AADAT: variants seen among roughly 807,000 people sequenced by gnomAD.
AADAT encodes kynurenine/alpha-aminoadipate aminotransferase, mitochondrial.
A neutral mutation model predicts 56.2 loss-of-function variants in AADAT; 25 were observed. That is an observed-to-expected ratio of 0.44 (90% confidence interval 0.32 to 0.62). The LOEUF is 0.62. Among genes scored for constraint, AADAT ranks in the 20% least tolerant of loss-of-function variants. The probability of loss-of-function intolerance (pLI) is 0.04; values close to 1 mark genes in which losing one functional copy is unlikely to be tolerated. For missense variants in AADAT, 387 were observed against 510.5 expected (o/e 0.76, Z 2.33); for synonymous variants, 173 against 164.7 (o/e 1.05, Z -0.39).
chr4:170,087,984 A>T (rs745864521), intron 2 of AADAT, among the ~76,000 whole-genome samples: 2 of 150,376 alleles, frequency 1.3e-5, no homozygotes, highest in Admixed American at 6.6e-5. Flanking sequence ...CTTAAACTTT[A>T]AAAAGTTGAA....
At chr4:170,061,488 A>G (rs1260932688) in intron 12 of AADAT, among the ~76,000 whole-genome samples, 4 of 152,218 alleles carry the variant, frequency 2.6e-5, no homozygotes, top group African/African-American at 9.6e-5. Context: ...TTTTGGTTAA[A>G]GCTAGATTGT....
intron 7 of AADAT, 148 bp downstream of exon 7, chr4:170,069,000 T>C (rs1435201982): frequency 3.1e-6 from 2 of 636,352 alleles, no homozygotes; most frequent in Non-Finnish European, 5.2e-6. Context: ...AAAAAAGGCC[T>C]GTGTTAATAT....
Position 170,066,421 on chromosome 4 carries a change from C to T in AADAT, c.1020G>A (p.Trp340Ter). Residue 340 changes from tryptophan (W) to a stop codon, truncating the protein, a stop_gained, in exon 10 of 13, where the codon TGG becomes TGA. Transcript: ENST00000337664. LOFTEE classifies it high-confidence loss of function. ...KDAILAAADK[W>*]LTGLAEWHVP... ...AATATACGTTCCACTCACCAGTTAA[C>T]CACTTGTCTGCAGCTGCCAGTATTG... The T allele has an allele frequency of 6.2e-7, 1 of 1,613,722 alleles. No homozygotes were observed. The highest frequency in any genetic ancestry group is 1.3e-5 in the African/African-American group (1 of 75,014).
At chr4:170,079,009 A>G (rs949987580) in intron 3 of AADAT, among the ~76,000 whole-genome samples, 6 of 152,192 alleles carry the variant, frequency 3.9e-5, no homozygotes, top group African/African-American at 1.4e-4. Flanking sequence ...AGGCCTGTGT[A>G]AAGTGTCAGA....
At chr4:170,085,110 GTTTAC>G (rs1353000542) in intron 3 of AADAT, among the ~76,000 whole-genome samples, 7 of 151,834 alleles carry the variant, frequency 4.6e-5, no homozygotes, top group South Asian at 2.1e-4. Flanking sequence ...ATTTTCTCTA[GTTTAC>G]TTTATTGTAA....
intron 3 of AADAT, among the ~76,000 whole-genome samples, chr4:170,086,001 A>G (rs1454145515): frequency 6.6e-6 from 1 of 152,156 alleles, no homozygotes; most frequent in African/African-American, 2.4e-5. Flanking sequence ...ACAAAGGAGA[A>G]AATATACCAG....
rs1011888115 is a variant in AADAT, at chr4:170,078,435, T to C, written c.444+74A>G. ...TATTAACTTTATTATAATAAAGTTA[T>C]TATAAAACCTTTATTATAAGTTTTC... On this transcript the variant is annotated intron_variant, in intron 4 of 12. Coordinates refer to ENST00000337664, the MANE Select transcript of AADAT (RefSeq NM_016228.4). 6 of 816,454 alleles carry C rather than the reference T, an allele frequency of 7.3e-6. No homozygotes were observed. In the African/African-American group the frequency reaches 1.1e-4, roughly 14 times the overall value. The allele number at this position is 816,454 out of a possible 1,614,324, so 50.6% of individuals were successfully genotyped here.
At chr4:170,080,836 T>A (rs906286469) in intron 3 of AADAT, among the ~76,000 whole-genome samples, 3 of 151,794 alleles carry the variant, frequency 2.0e-5, no homozygotes, top group African/African-American at 4.8e-5. Context: ...GCCAGACAAA[T>A]CAAACAAACA....
upstream of AADAT, among the ~76,000 whole-genome samples, chr4:170,092,393 G>A (rs1425835313): frequency 6.6e-6 from 1 of 152,222 alleles, no homozygotes; most frequent in Non-Finnish European, 1.5e-5. Flanking sequence ...CACCGCCAAA[G>A]TCTGCAGCTT....
At chr4:170,067,920 C>T (rs569597382) in intron 8 of AADAT, among the ~76,000 whole-genome samples, 1 of 152,228 alleles carries the variant, frequency 6.6e-6, no homozygotes, top group Admixed American at 6.5e-5. Context: ...GGGTGGATCA[C>T]CAGAGGCCAG....
intron 3 of AADAT, among the ~76,000 whole-genome samples, chr4:170,080,986 T>C (rs896805791): frequency 1.3e-5 from 2 of 152,166 alleles, no homozygotes; most frequent in African/African-American, 4.8e-5. Flanking sequence ...AAGATGGCAA[T>C]TTGTCAGCTT....
chr4:170,064,183 A>C (rs1194553432), intron 11 of AADAT, among the ~76,000 whole-genome samples: 1 of 152,194 alleles, frequency 6.6e-6, no homozygotes, highest in Admixed American at 6.5e-5. Flanking sequence ...TACATTTTCC[A>C]AATATCCTAC....
chr4:170,070,709 T>C (rs1731716710), intron 5 of AADAT, 57 bp from the exon 6 acceptor site: 1 of 1,207,084 alleles, frequency 8.3e-7, no homozygotes, highest in Non-Finnish European at 1.2e-6. Flanking sequence ...TTAAAAGTTA[T>C]CTAAAATTAA....
intron 4 of AADAT, among the ~76,000 whole-genome samples, chr4:170,076,721 T>G (rs535223797): frequency 6.6e-6 from 1 of 152,332 alleles, no homozygotes; most frequent in East Asian, 1.9e-4. Context: ...TTTTAAATCT[T>G]CAAGTTCAAT....
chr4:170,090,395 C>G (rs1423785616), upstream of AADAT: 1 of 152,252 alleles, frequency 6.6e-6, no homozygotes, highest in African/African-American at 2.4e-5. Context: ...TTTGCCCGCT[C>G]AGACCATGGC....
At chr4:170,071,656 C>T (rs1056894865) in intron 5 of AADAT, among the ~76,000 whole-genome samples, 4 of 152,118 alleles carry the variant, frequency 2.6e-5, no homozygotes, top group Admixed American at 2.0e-4. Context: ...ATGTGGCTGG[C>T]TGCTGTGTGA....
chr4:170,079,243 G>A (rs571192870), intron 3 of AADAT, among the ~76,000 whole-genome samples: 4 of 152,296 alleles, frequency 2.6e-5, no homozygotes, highest in African/African-American at 7.2e-5. Context: ...GTTGGTGTAC[G>A]GGGTAACAAC....
chr4:170,061,022 A>G (rs969928231), intron 12 of AADAT, 53 bp from the exon 13 acceptor site: 8 of 1,258,600 alleles, frequency 6.4e-6, no homozygotes, highest in Non-Finnish European at 8.7e-6. Context: ...CTATATTGGA[A>G]AACTCTGTAA....
chr4:170,068,157 A>T (rs1434127656), intron 8 of AADAT, among the ~76,000 whole-genome samples: 1 of 151,752 alleles, frequency 6.6e-6, no homozygotes, highest in Non-Finnish European at 1.5e-5. Flanking sequence ...AAAAAAAAAA[A>T]AATTAAAATG....
Sources: gnomAD v4.1 joint callset for allele counts (sites outside exome capture counted in the v4.1 genomes callset) on GRCh38, gnomAD v4.1.1 for gene constraint, MANE v1.5 for transcripts, NCBI Gene and HGNC (gene_info 2026-07-23, HGNC 2026-07-21) for gene names.